The following TENM3 variants were observed in gnomAD, a reference collection of about 807,000 sequenced individuals.
TENM3 encodes the protein teneurin-3.
In TENM3, 63 loss-of-function variants were observed where a neutral mutation model predicts 255.1. The observed-to-expected ratio is 0.25, with a 90% confidence interval of 0.20 to 0.30. The LOEUF (loss-of-function observed/expected upper bound fraction) is 0.30. TENM3 is among the 10% of genes least tolerant of loss of function. The pLI is 1.00. For synonymous variants in TENM3, 1,306 were observed against 1,322.3 expected (o/e 0.99, Z 0.27); for missense variants, 2,929 against 3,461.1 (o/e 0.85, Z 3.86).
At chr4:182,008,503 C>G in the TENM3 span, among the ~76,000 whole-genome samples, 10 of 151,808 alleles carry the variant, frequency 6.6e-5, no homozygotes, top group Non-Finnish European at 1.3e-4. Context: ...ACTCTGATAT[C>G]CTTTCTTCTG....
chr4:182,453,088 A>T (rs1373023716), intron 3 of TENM3, among the ~76,000 whole-genome samples: 7 of 152,144 alleles, frequency 4.6e-5, no homozygotes, highest in Admixed American at 3.9e-4. Flanking sequence ...TTTCATATTT[A>T]AGAAACCAGT....
the TENM3 span, among the ~76,000 whole-genome samples, chr4:181,886,538 T>C: frequency 6.6e-6 from 1 of 152,224 alleles, no homozygotes. Context: ...CTCTGGATTC[T>C]CTATTTCACC....
intron 1 of TENM3, among the ~76,000 whole-genome samples, chr4:182,154,196 C>A (rs1436822823): frequency 6.7e-6 from 1 of 148,364 alleles, no homozygotes; most frequent in Non-Finnish European, 1.5e-5. Flanking sequence ...GGTTCTGGTT[C>A]TTTTACTATT....
chr4:182,677,963 C>G (rs1755795433), intron 7 of TENM3, among the ~76,000 whole-genome samples: 1 of 151,894 alleles, frequency 6.6e-6, no homozygotes, highest in Non-Finnish European at 1.5e-5. Context: ...CTTAAATAGG[C>G]CTCTGATGAA....
chr4:182,047,902 A>G, the TENM3 span, among the ~76,000 whole-genome samples: 8 of 152,088 alleles, frequency 5.3e-5, no homozygotes, highest in Admixed American at 3.3e-4. Context: ...TTGCTTTGTG[A>G]ACCTGACTAT....
chr4:182,251,212 G>A (rs1026426636), intron 1 of TENM3, among the ~76,000 whole-genome samples: 2 of 152,232 alleles, frequency 1.3e-5, no homozygotes, highest in African/African-American at 4.8e-5. Context: ...GCTCATGCCT[G>A]TAATTCCAGC....
At chr4:182,278,389 GA>G (rs767122941) in intron 1 of TENM3, among the ~76,000 whole-genome samples, 1 of 151,704 alleles carries the variant, frequency 6.6e-6, no homozygotes, top group African/African-American at 2.4e-5. Context: ...AAAAGAAAAA[GA>G]AAAAAAAGAA....
At chr4:181,925,210 C>T in the TENM3 span, among the ~76,000 whole-genome samples, 3 of 152,264 alleles carry the variant, frequency 2.0e-5, no homozygotes, top group African/African-American at 7.2e-5. Flanking sequence ...ATGATAATGG[C>T]ATAATGACAG....
chr4:182,388,020 A>G (rs1386759594), intron 3 of TENM3, among the ~76,000 whole-genome samples: 5 of 152,004 alleles, frequency 3.3e-5, no homozygotes. Flanking sequence ...GGTTAAGCAA[A>G]CGTGTAAGCA....
the TENM3 span, among the ~76,000 whole-genome samples, chr4:181,612,524 C>CAG: frequency 0.027 from 3,407 of 126,882 alleles, 132 homozygotes; most frequent in African/African-American, 0.094. Context: ...GTGTGTGTGT[C>CAG]AGAGAGAGAG....
At chr4:181,670,199 A>AACCAC in the TENM3 span, among the ~76,000 whole-genome samples, 1 of 152,196 alleles carries the variant, frequency 6.6e-6, no homozygotes, top group African/African-American at 2.4e-5. Context: ...ATTTTTAATT[A>AACCAC]ACCACTAGGT....
At chr4:182,621,645 CATATT>C (rs1750175049) in intron 4 of TENM3, among the ~76,000 whole-genome samples, 1 of 23,858 alleles carries the variant, frequency 4.2e-5, no homozygotes, top group Non-Finnish European at 1.1e-4. Context: ...ATATATAATA[CATATT>C]ATAATATATA....
At chr4:182,355,719 T>C (rs930662450) in intron 3 of TENM3, among the ~76,000 whole-genome samples, 10 of 152,198 alleles carry the variant, frequency 6.6e-5, no homozygotes, top group South Asian at 2.1e-4. Context: ...TGATGATTAA[T>C]TGGGGGAAGA....
intron 3 of TENM3, among the ~76,000 whole-genome samples, chr4:182,555,460 A>G (rs1742490433): frequency 1.3e-5 from 2 of 152,136 alleles, no homozygotes; most frequent in Admixed American, 6.5e-5. Flanking sequence ...TTTTCAATAT[A>G]TTTAAACAAA....
chr4:182,047,000 G>A, the TENM3 span, among the ~76,000 whole-genome samples: 5 of 151,856 alleles, frequency 3.3e-5, no homozygotes, highest in African/African-American at 1.2e-4. Flanking sequence ...TTAGGGAGGT[G>A]CAATGAATGT....
intron 4 of TENM3, among the ~76,000 whole-genome samples, chr4:182,616,775 G>T (rs1480856064): frequency 6.6e-6 from 1 of 152,044 alleles, no homozygotes; most frequent in Non-Finnish European, 1.5e-5. Flanking sequence ...TGAGCAGAGT[G>T]AATAATTATG....
chr4:182,661,039 C>T (rs922216434), intron 6 of TENM3, among the ~76,000 whole-genome samples: 2 of 152,134 alleles, frequency 1.3e-5, no homozygotes, highest in African/African-American at 4.8e-5. Flanking sequence ...CTATATATTA[C>T]AGGCAATGTA....
At chr4:182,054,316 C>A in the TENM3 span, among the ~76,000 whole-genome samples, 991 of 152,206 alleles carry the variant, frequency 6.5e-3, 16 homozygotes, top group African/African-American at 0.022. Flanking sequence ...AAGTGTTAGA[C>A]GGTGTGCTCA....
chr4:182,578,072 G>A (rs764686403), intron 3 of TENM3, among the ~76,000 whole-genome samples: 4 of 151,984 alleles, frequency 2.6e-5, no homozygotes, highest in South Asian at 2.1e-4. Context: ...CACCTCCCAG[G>A]TTCAAGCAAT....
Sources: allele counts gnomAD v4.1 joint callset (sites outside exome capture counted in the v4.1 genomes callset), GRCh38; gene constraint gnomAD v4.1.1; transcripts MANE v1.5; gene names NCBI Gene and HGNC (gene_info 2026-07-23, HGNC 2026-07-21).